The following INTS10 variants were observed in gnomAD, a reference collection of about 807,000 sequenced individuals.
The protein encoded by INTS10 is chromosome 8 open reading frame 35.
Under a neutral mutation model 94.4 loss-of-function variants are expected in INTS10, and 44 were observed. The ratio of observed to expected loss-of-function variants is 0.47; its 90% CI spans 0.37 to 0.60. The LOEUF (loss-of-function observed/expected upper bound fraction) is 0.60. INTS10 is among the 20% of genes least tolerant of loss of function. INTS10 has a pLI of 0.00. For missense variants in INTS10, 797 were observed against 868.7 expected (o/e 0.92, Z 1.04); for synonymous variants, 341 against 320.7 (o/e 1.06, Z -0.68).
rs200117430 is a variant in INTS10 at position 19,851,682 on chromosome 8, C to T, written c.2010C>T (p.Gly670=). The T allele has an allele frequency of 5.6e-6, 9 of 1,614,034 alleles. No homozygotes were observed. The highest frequency in any genetic ancestry group is 5.1e-6 in the Non-Finnish European group (6 of 1,180,014). ...CTGTAACTCGAGGCATCACCAAAGG[C>T]GTGAAGGAGGACTTTCGCCTGGCCA... is the stretch of plus-strand genomic sequence containing the variant. ...HHTVTRGITK[G]VKEDFRLAME... is the part of the protein sequence containing the mutation. Residue 670 remains glycine, a synonymous_variant, in exon 17 of 17, where the codon GGC becomes GGT. Transcript: ENST00000397977. The surrounding 1 kb of genome is among the most constrained non-coding windows in gnomAD (Gnocchi z 5.0).
At position 19,826,572 on chromosome 8, in the gene INTS10, A is replaced by G. The variant is rs1448408887; in HGVS notation, c.1140+13A>G. On this transcript the variant is annotated intron_variant, in intron 9 of 16. Transcript: ENST00000397977. ...AGAAAAAACCATGGTAAGGCTTTCA[A>G]ATATACTTATTAACAGATTGGATGG... 16 of 1,607,386 alleles carry G rather than the reference A, an allele frequency of 1.0e-5. No homozygotes were observed. The highest frequency in any genetic ancestry group is 4.5e-5 in the East Asian group (2 of 44,700).
rs1350928077 is a variant in INTS10 at position 19,843,715 on chromosome 8, C to G, written c.1720-361C>G. Among the ~76,000 whole-genome samples the G allele has an allele frequency of 1.3e-5, 2 of 152,368 alleles. No homozygotes were observed. Among genetic ancestry groups the G allele is most frequent in the South Asian group, 2.1e-4 (1 of 4,832 alleles). The stretch of plus-strand genomic sequence containing the variant: ...TGGCCTCTTGCCCACCTACTCCCAT[C>G]TGCTCCCTTTCAAAGAAATCTTCAG... On this transcript the variant is annotated intron_variant, in intron 14 of 16. Coordinates refer to ENST00000397977, the MANE Select transcript of INTS10 (RefSeq NM_018142.4). This position sits in a 1 kb window ranked among gnomAD's most constrained non-coding sequence, Gnocchi z 4.7.
intron 12 of INTS10, among the ~76,000 whole-genome samples, chr8:19,835,888 A>G (rs113019747): frequency 6.6e-6 from 1 of 152,196 alleles, no homozygotes; most frequent in Non-Finnish European, 1.5e-5. Flanking sequence ...GATGTGCCAC[A>G]ACATGAAAAG....
chr8:19,840,060 C>G (rs1397043103), intron 13 of INTS10, among the ~76,000 whole-genome samples: 1 of 48,836 alleles, frequency 2.0e-5, no homozygotes, highest in Non-Finnish European at 3.4e-5. Context: ...GAGACCTTGT[C>G]TCAAAAAAAA....
intron 13 of INTS10, 32 bp from the exon 14 acceptor site, chr8:19,842,816 T>C: frequency 6.8e-7 from 1 of 1,470,282 alleles, no homozygotes; most frequent in Non-Finnish European, 9.5e-7. Flanking sequence ...GATAATAACA[T>C]ACATTAACCT....
rs2068263387 is a variant in INTS10 at position 19,843,028 on chromosome 8, C to T, written c.1719+101C>T. ...CTTGCTAAGGATTGTTATTTTAGTACTTTTGAGGGCAGGCCCAAACAGTTA... is the reference window on the plus strand; with the variant it reads ...CTTGCTAAGGATTGTTATTTTAGTATTTTTGAGGGCAGGCCCAAACAGTTA... On this transcript the variant is annotated intron_variant, in intron 14 of 16. Coordinates refer to ENST00000397977, the MANE Select transcript of INTS10 (RefSeq NM_018142.4). The surrounding 1 kb of genome is among the most constrained non-coding windows in gnomAD (Gnocchi z 4.7). The T allele has an allele frequency of 1.2e-6, 1 of 824,880 alleles. No homozygotes were observed. Among genetic ancestry groups the T allele is most frequent in the Non-Finnish European group, 2.0e-6 (1 of 490,454 alleles). The allele number at this position is 824,880 out of a possible 1,614,324, so 51.1% of individuals were successfully genotyped here.
intron 8 of INTS10, 74 bp from the exon 9 acceptor site, chr8:19,826,352 G>GATTGC: frequency 6.8e-7 from 1 of 1,468,716 alleles, no homozygotes; most frequent in African/African-American, 1.4e-5. Context: ...AAAGGGCTGG[G>GATTGC]ATTGCAGGCA....
At chr8:19,848,307 T>C (rs2068744165) in intron 16 of INTS10, among the ~76,000 whole-genome samples, 2 of 152,168 alleles carry the variant, frequency 1.3e-5, no homozygotes, top group South Asian at 4.1e-4. Context: ...AGCTGTGGCA[T>C]CTGGGATGCA....
At chr8:19,828,160 A>G (rs1014488084) in intron 9 of INTS10, among the ~76,000 whole-genome samples, 26 of 152,164 alleles carry the variant, frequency 1.7e-4, no homozygotes, top group African/African-American at 6.3e-4. Context: ...CCAGTGAGTG[A>G]TGACCACACC....
intron 6 of INTS10, 67 bp downstream of exon 6, chr8:19,823,508 C>T: frequency 1.9e-6 from 2 of 1,068,892 alleles, no homozygotes; most frequent in Non-Finnish European, 2.8e-6. Flanking sequence ...TCAGAAACCC[C>T]TCAATGTTCT....
rs1590049249 is a variant in INTS10, at chr8:19,843,070, A to G, written c.1719+143A>G. ...AAACAGTTAGAAAAGCACATGGGCT[A>G]CTAATTAACAAATCTATATTAAATA... is the stretch of plus-strand genomic sequence containing the variant. On this transcript the variant is annotated intron_variant, in intron 14 of 16. Coordinates refer to ENST00000397977, the MANE Select transcript of INTS10 (RefSeq NM_018142.4). The surrounding 1 kb of genome is among the most constrained non-coding windows in gnomAD (Gnocchi z 4.7). 1.6e-6 allele frequency: 1 copy of G among 613,848 alleles called. No individual in the cohort carries two copies. The highest frequency in any genetic ancestry group is 2.0e-5 in the South Asian group (1 of 49,454). The allele number at this position is 613,848 out of a possible 1,614,324, so 38.0% of individuals were successfully genotyped here. A position where few individuals can be genotyped will look rare whatever the true frequency, so the allele number is the denominator to read the frequency against.
At chr8:19,828,112 G>C (rs899364724) in intron 9 of INTS10, among the ~76,000 whole-genome samples, 11 of 152,210 alleles carry the variant, frequency 7.2e-5, no homozygotes, top group Admixed American at 3.9e-4. Flanking sequence ...TTCAGAGGCT[G>C]AGATGAGAAG....
Position 19,851,929 on chromosome 8 carries a change from G to A in INTS10, c.*124G>A. 1 of 748,540 alleles carries A rather than the reference G, an allele frequency of 1.3e-6. No individual in the cohort carries two copies. The highest frequency in any genetic ancestry group is 2.1e-6 in the Non-Finnish European group (1 of 471,588). 46.4% of individuals were successfully genotyped at this position (748,540 alleles called of 1,614,324 possible). A position where few individuals can be genotyped will look rare whatever the true frequency, so the allele number is the denominator to read the frequency against. On this transcript the variant is annotated 3_prime_UTR_variant, in exon 17 of 17. Transcript: ENST00000397977. This position sits in a 1 kb window ranked among gnomAD's most constrained non-coding sequence, Gnocchi z 5.0. ...TGTTACAAAGAAGAAAACCATCTGA[G>A]TTCTAACTCCTTGGTTGCTTAAAAG...
chr8:19,850,172 G>A (rs1375367489), intron 16 of INTS10, among the ~76,000 whole-genome samples: 1 of 151,884 alleles, frequency 6.6e-6, no homozygotes, highest in African/African-American at 2.4e-5. Flanking sequence ...AAAAAGGAGG[G>A]TTTGCCCTTT....
chr8:19,850,662 G>C (rs2128818649), intron 16 of INTS10, among the ~76,000 whole-genome samples: 1 of 152,236 alleles, frequency 6.6e-6, no homozygotes, highest in South Asian at 2.1e-4. Flanking sequence ...CTTTGTGTGA[G>C]GGAAATTAGG....
In INTS10 at chr8:19,820,306, C is replaced by T. The variant is rs549009271; in HGVS notation, c.302-73C>T. The T allele has an allele frequency of 7.0e-5, 101 of 1,435,222 alleles. No homozygotes were observed. The African/African-American group carries it at 1.4e-3, about 19-fold the overall frequency. The allele number at this position is 1,435,222 out of a possible 1,614,324, so 88.9% of individuals were successfully genotyped here. On this transcript the variant is annotated intron_variant, in intron 3 of 16. Coordinates refer to ENST00000397977, the MANE Select transcript of INTS10 (RefSeq NM_018142.4). ...GTTTACTGTTCTGTACATGAAAATG[C>T]CTTACTCAGCACTGTTGCTGCAGTC...
chr8:19,834,560 T>C (rs543614376), intron 12 of INTS10, among the ~76,000 whole-genome samples: 3 of 152,324 alleles, frequency 2.0e-5, no homozygotes, highest in African/African-American at 7.2e-5. Context: ...TAGTAGGGAA[T>C]ATAAACTACT....
In INTS10 at chr8:19,823,375, A is replaced by G. The variant is rs2066539078; in HGVS notation, c.598A>G (p.Asn200Asp). ...TGCCAATTTATTGTATAAGTACTTG[A>G]ACAAAGCAGCTGAATTTTATATCAA... ...LPANLLYKYL[N>D]KAAEFYINYV... Residue 200 changes from asparagine (N) to aspartate (D), a missense_variant, in exon 6 of 17, where the codon AAC becomes GAC. Around this residue, in one of 3 missense-constraint regions of INTS10, gnomAD observed 734 missense variants for 787.8 expected, o/e 0.93. Coordinates refer to ENST00000397977, the MANE Select transcript of INTS10 (RefSeq NM_018142.4). 1 of 1,605,370 alleles carries G rather than the reference A, an allele frequency of 6.2e-7. No homozygotes were observed. The highest frequency in any genetic ancestry group is 1.3e-5 in the African/African-American group (1 of 74,762).
At chr8:19,847,564 G>A (rs187428786) in intron 16 of INTS10, among the ~76,000 whole-genome samples, 140 of 152,290 alleles carry the variant, frequency 9.2e-4, no homozygotes, top group Middle Eastern at 6.8e-3. Flanking sequence ...CAGCCATAGT[G>A]GAACCGAAGT....
Sources: allele counts gnomAD v4.1 joint callset (sites outside exome capture counted in the v4.1 genomes callset), GRCh38; gene constraint gnomAD v4.1.1; regional missense constraint gnomAD v4.1.1; non-coding constraint Gnocchi (gnomAD v3.1); transcripts MANE v1.5; gene names NCBI Gene and HGNC (gene_info 2026-07-23, HGNC 2026-07-21).